F2R: variants seen among roughly 807,000 people sequenced by gnomAD.
The protein encoded by F2R is coagulation factor II thrombin receptor.
A neutral mutation model predicts 18.3 loss-of-function variants in F2R; 12 were observed. That is an observed-to-expected ratio of 0.66 (90% CI 0.42 to 1.06). The LOEUF (loss-of-function observed/expected upper bound fraction) is 1.06. F2R is among the 50% of genes least tolerant of loss of function. The pLI, the probability that F2R is intolerant of heterozygous loss-of-function variation, is 0.00. For synonymous variants in F2R, 210 were observed against 219.9 expected (o/e 0.95, Z 0.40); for missense variants, 438 against 530.8 (o/e 0.83, Z 1.72).
At chr5:76,731,211 T>C (rs1220347122) in intron 1 of F2R, among the ~76,000 whole-genome samples, 1 of 152,198 alleles carries the variant, frequency 6.6e-6, no homozygotes, top group African/African-American at 2.4e-5. Context: ...TTCTACATTC[T>C]CCTGTGTAAG....
chr5:76,730,097 C>T (rs977595307), intron 1 of F2R, among the ~76,000 whole-genome samples: 2 of 152,150 alleles, frequency 1.3e-5, no homozygotes, highest in African/African-American at 4.8e-5. Flanking sequence ...TTGTTATATT[C>T]CTTCAAAGAG....
chr5:76,727,455 A>G (rs950404853), intron 1 of F2R, among the ~76,000 whole-genome samples: 89 of 152,344 alleles, frequency 5.8e-4, no homozygotes, highest in African/African-American at 1.9e-3. Flanking sequence ...TTAAGGATCA[A>G]TGTAGACACA....
At chr5:76,716,652 A>T in intron 1 of F2R, 1 of 746,388 alleles carries the variant, frequency 1.3e-6, no homozygotes, top group Non-Finnish European at 2.4e-6. Flanking sequence ...GATATGGAGG[A>T]GGATGGAGCG....
chr5:76,723,366 C>A (rs1307400656), intron 1 of F2R, among the ~76,000 whole-genome samples: 1 of 152,180 alleles, frequency 6.6e-6, no homozygotes, highest in African/African-American at 2.4e-5. Context: ...AAGGTATGAC[C>A]TTTGGAGCTG....
intron 1 of F2R, among the ~76,000 whole-genome samples, chr5:76,731,674 T>C (rs1419835407): frequency 1.3e-5 from 2 of 151,894 alleles, no homozygotes; most frequent in African/African-American, 4.8e-5. Context: ...GGATTACAGG[T>C]GCATGCCACC....
At position 76,728,263 on chromosome 5, in the gene F2R, C is replaced by T. The variant is rs190161178; in HGVS notation, c.89-4051C>T. Among the ~76,000 whole-genome samples, 57 of 152,142 alleles carry T rather than the reference C, an allele frequency of 3.7e-4. No individual in the cohort carries two copies. The East Asian group carries it at 9.6e-3, about 26-fold the overall frequency. On this transcript the variant is annotated intron_variant, in intron 1 of 1. Coordinates refer to ENST00000319211, the MANE Select transcript of F2R (RefSeq NM_001992.5). ...ACACATTGTTATTAACTATAGTCAC[C>T]GTATTATACAAGAGATTTTTCTAAC...
chr5:76,732,554 C>G lies in F2R; in HGVS notation c.329C>G (p.Thr110Ser). The change falls in exon 2 of 2, where the codon ACC (threonine) becomes AGC (serine). Residue 110 changes from threonine (T) to serine (S), a missense_variant. Physicochemically the swap from Thr to Ser is moderately conservative, Grantham distance 58. Transcript: ENST00000319211. ...WLTLFVPSVY[T>S]GVFVVSLPLN... ...ACACTCTTTGTCCCATCTGTGTACA[C>G]CGGAGTGTTTGTAGTCAGCCTCCCA... 6.2e-7 allele frequency: 1 copy of G among 1,614,208 alleles called. No homozygotes were observed. The highest frequency in any genetic ancestry group is 8.5e-7 in the Non-Finnish European group (1 of 1,180,038).
In F2R at chr5:76,735,545, C is replaced by T. The variant is rs1389595690; in HGVS notation, c.*2042C>T. ...TTTCCAAATACCATAGAATAACTTA[C>T]ATAAAAGTAATATAACTGTATTGTA... On this transcript the variant is annotated 3_prime_UTR_variant, in exon 2 of 2. Coordinates refer to ENST00000319211, the MANE Select transcript of F2R (RefSeq NM_001992.5). 2 of 151,984 alleles carry T rather than the reference C, an allele frequency of 1.3e-5. No individual in the cohort carries two copies. The highest frequency in any genetic ancestry group is 2.9e-5 in the Non-Finnish European group (2 of 67,992). 9.4% of individuals were successfully genotyped at this position (151,984 alleles called of 1,614,324 possible). A position where few individuals can be genotyped will look rare whatever the true frequency, so the allele number is the denominator to read the frequency against.
rs1748707631 is a variant in F2R, at chr5:76,733,096, G to T, written c.871G>T (p.Val291Leu). ...GCTGATCATTTCCACGGTCTGTTATGTGTCTATCATTCGATGTCTTAGCTC... is the reference window on the plus strand; with the variant it reads ...GCTGATCATTTCCACGGTCTGTTATTTGTCTATCATTCGATGTCTTAGCTC... Reference protein sequence around the residue: ...VPLIISTVCYVSIIRCLSSSA... With the variant: ...VPLIISTVCYLSIIRCLSSSA... Residue 291 changes from valine (V) to leucine (L), a missense_variant, in exon 2 of 2, where the codon GTG becomes TTG. By Grantham distance (32) the Val-to-Leu change is conservative (BLOSUM62 1). Transcript: ENST00000319211. The T allele has an allele frequency of 6.2e-7, 1 of 1,614,140 alleles. No individual in the cohort carries two copies. The highest frequency in any genetic ancestry group is 8.5e-7 in the Non-Finnish European group (1 of 1,180,034).
chr5:76,725,887 T>A (rs138935521), intron 1 of F2R, among the ~76,000 whole-genome samples: 1 of 152,192 alleles, frequency 6.6e-6, no homozygotes, highest in Non-Finnish European at 1.5e-5. Context: ...CAGAGTAAAG[T>A]CTAGTGACAG....
intron 1 of F2R, among the ~76,000 whole-genome samples, chr5:76,718,524 A>G (rs1748384815): frequency 6.6e-6 from 1 of 152,218 alleles, no homozygotes. Context: ...CCTGACCACC[A>G]AGCTGAGCCT....
In F2R at chr5:76,733,513, C is replaced by G; in HGVS notation, c.*10C>G. 6.3e-7 allele frequency: 1 copy of G among 1,588,628 alleles called. No individual in the cohort carries two copies. The highest frequency in any genetic ancestry group is 1.1e-5 in the South Asian group (1 of 87,188). On this transcript the variant is annotated 3_prime_UTR_variant, in exon 2 of 2. Transcript: ENST00000319211. Reference sequence around the variant, plus strand: ...AAAGCTGTTAACTTAGGAAAAGGGACTGCTGGGAGGTTAAAAAGAAAAGTT... The same window carrying G: ...AAAGCTGTTAACTTAGGAAAAGGGAGTGCTGGGAGGTTAAAAAGAAAAGTT...
Position 76,732,576 on chromosome 5 carries a change from C to G in F2R, c.351C>G (p.Leu117=), listed in dbSNP as rs1561631523. ...SVYTGVFVVS[L]PLNIMAIVVF... is the part of the protein sequence containing the mutation. ...ACACCGGAGTGTTTGTAGTCAGCCT[C>G]CCACTAAACATCATGGCCATCGTTG... Residue 117 remains leucine (L), a synonymous_variant, in exon 2 of 2, where the codon CTC becomes CTG. Coordinates refer to ENST00000319211, the MANE Select transcript of F2R (RefSeq NM_001992.5). The G allele has an allele frequency of 6.2e-7, 1 of 1,614,210 alleles. No homozygotes were observed. Among genetic ancestry groups the G allele is most frequent in the Admixed American group, 1.7e-5 (1 of 60,026 alleles).
chr5:76,733,992 C>G lies in F2R; in HGVS notation c.*489C>G, dbSNP rs556564384. ...ACAGTGAGAGACTCCATAGTTTGGG[C>G]TTGTACCACTTTTGCAAATAAGTGT... On this transcript the variant is annotated 3_prime_UTR_variant, in exon 2 of 2. Transcript: ENST00000319211. 6.4e-6 allele frequency: 1 copy of G among 155,428 alleles called. No homozygotes were observed. Among genetic ancestry groups the G allele is most frequent in the South Asian group, 2.0e-4 (1 of 5,006 alleles). 9.6% of individuals were successfully genotyped at this position (155,428 alleles called of 1,614,324 possible).
At position 76,716,262 on chromosome 5, in the gene F2R, G is replaced by C. The variant is rs1748339180; in HGVS notation, c.-46G>C. 2 of 1,321,672 alleles carry C rather than the reference G, an allele frequency of 1.5e-6. No homozygotes were observed. The highest frequency in any genetic ancestry group is 1.9e-6 in the Non-Finnish European group (2 of 1,035,748). 81.9% of individuals were successfully genotyped at this position (1,321,672 alleles called of 1,614,324 possible). A position where few individuals can be genotyped will look rare whatever the true frequency, so the allele number is the denominator to read the frequency against. On this transcript the variant is annotated 5_prime_UTR_variant, in exon 1 of 2. Transcript: ENST00000319211. ...GAGAGAGGGTGAAGCGGAGCAGCCC[G>C]AGGCGGGGCAGCCTCCCGGAGCAGC...
chr5:76,716,581 C>A, intron 1 of F2R, 186 bp downstream of exon 1: 1 of 683,012 alleles, frequency 1.5e-6, no homozygotes, highest in East Asian at 2.8e-5. Context: ...CTTCGCGGGC[C>A]CAGCCGATGC....
At chr5:76,725,608 C>G (rs999113402) in intron 1 of F2R, among the ~76,000 whole-genome samples, 2 of 141,134 alleles carry the variant, frequency 1.4e-5, no homozygotes, top group Non-Finnish European at 3.0e-5. Flanking sequence ...TTCTTTGATG[C>G]TGGTATATAC....
rs182669579 is a variant in F2R at position 76,721,890 on chromosome 5, T to C, written c.88+5495T>C. On this transcript the variant is annotated intron_variant, in intron 1 of 1. Coordinates refer to ENST00000319211, the MANE Select transcript of F2R (RefSeq NM_001992.5). The stretch of plus-strand genomic sequence containing the variant: ...GCATTTTGATATTTTCCACACTATA[T>C]TCTATTTTTAATGCTTATTGCAATC... Among the ~76,000 whole-genome samples, 64 of 152,394 alleles carry C rather than the reference T, an allele frequency of 4.2e-4. 3 individuals are homozygous for C. The highest frequency in any genetic ancestry group is 1.5e-3 in the African/African-American group (61 of 41,598).
intron 1 of F2R, among the ~76,000 whole-genome samples, chr5:76,720,165 AGGGTCT>A (rs1195427014): frequency 1.3e-5 from 2 of 152,096 alleles, no homozygotes; most frequent in African/African-American, 4.8e-5. Context: ...GCAGGTTCTC[AGGGTCT>A]GGGTGCAGTG....
Sources: gnomAD v4.1 joint callset for allele counts (sites outside exome capture counted in the v4.1 genomes callset) on GRCh38, gnomAD v4.1.1 for gene constraint, MANE v1.5 for transcripts, NCBI Gene and HGNC (gene_info 2026-07-23, HGNC 2026-07-21) for gene names.